MGAT4C: variants seen among roughly 807,000 people sequenced by gnomAD.
MGAT4C encodes MGAT4 family member C, also known as alpha-1,3-mannosyl-glycoprotein 4-beta-N-acetylglucosaminyltransferase C.
MGAT4C carries 19 observed loss-of-function variants against 40.1 expected under a neutral mutation model. The ratio of observed to expected loss-of-function variants is 0.47; its 90% CI spans 0.33 to 0.70. The LOEUF (loss-of-function observed/expected upper bound fraction) is 0.70. Among genes scored for constraint, MGAT4C ranks in the 30% least tolerant of loss-of-function variants. The pLI, the probability that MGAT4C is intolerant of heterozygous loss-of-function variation, is 0.02. For synonymous variants in MGAT4C, 181 were observed against 187.1 expected, an observed-to-expected ratio of 0.97 and a Z score of 0.27; for missense variants, 491 against 563.2, an observed-to-expected ratio of 0.87 and a Z score of 1.30.
intron 4 of MGAT4C, among the ~76,000 whole-genome samples, chr12:86,296,980 T>C (rs112787742): frequency 1.7e-3 from 258 of 152,344 alleles, no homozygotes; most frequent in African/African-American, 5.9e-3. Flanking sequence ...GGTTAAAATA[T>C]TTTCTTGTAA....
At chr12:86,807,723 C>A (rs536089560) in intron 1 of MGAT4C, among the ~76,000 whole-genome samples, 2 of 152,254 alleles carry the variant, frequency 1.3e-5, no homozygotes, top group East Asian at 3.9e-4. Flanking sequence ...AATGGTTGAA[C>A]TAATTTACAT....
Position 86,587,517 on chromosome 12 carries a change from T to C in MGAT4C, c.-229+139692A>G, listed in dbSNP as rs995701326. Among the ~76,000 whole-genome samples the C allele has an allele frequency of 2.6e-4, 40 of 152,074 alleles. 1 individual carries two copies. Among genetic ancestry groups the C allele is most frequent in the African/African-American group, 4.8e-4 (20 of 41,540 alleles). On this transcript the variant is annotated intron_variant, in intron 2 of 7. Coordinates refer to the MGAT4C transcript ENST00000548651. ...CATTGGTAGCTTGATGGGGATGGCATTGAATCTATAAATTACCTTGGGCAG... is the reference window on the plus strand; with the variant it reads ...CATTGGTAGCTTGATGGGGATGGCACTGAATCTATAAATTACCTTGGGCAG...
chr12:86,188,414 T>C (rs1889013686), intron 1 of MGAT4C, among the ~76,000 whole-genome samples: 1 of 151,826 alleles, frequency 6.6e-6, no homozygotes, highest in African/African-American at 2.4e-5. Context: ...ATACATGCAA[T>C]ATGAGAGAAA....
intron 3 of MGAT4C, among the ~76,000 whole-genome samples, chr12:86,375,471 TA>T (rs1233358782): frequency 2.6e-5 from 4 of 152,078 alleles, no homozygotes; most frequent in African/African-American, 7.2e-5. Context: ...ATCTAAGGTT[TA>T]TTTTTTTTTC....
At chr12:86,641,207 A>C (rs1255719636) in intron 2 of MGAT4C, among the ~76,000 whole-genome samples, 1 of 151,862 alleles carries the variant, frequency 6.6e-6, no homozygotes, top group African/African-American at 2.4e-5. Flanking sequence ...TGATGAGTTC[A>C]TGTCCTTTGT....
chr12:86,814,303 TATATATATAC>T lies in MGAT4C; in HGVS notation c.-262+24353_-262+24362del, dbSNP rs1952547543. 1.2e-4 allele frequency among the ~76,000 whole-genome samples: 8 copies of T among 68,988 alleles called. 1 individual carries two copies. Among genetic ancestry groups the T allele is most frequent in the South Asian group, 5.2e-4 (1 of 1,910 alleles). The allele number at this position is 68,988 out of a possible 152,430, so 45.3% of individuals were successfully genotyped here. A position where few individuals can be genotyped will look rare whatever the true frequency, so the allele number is the denominator to read the frequency against. ...ATATATACATATATATACATATACG[TATATATATAC>T]GTATATATACATATACGTATATATA... is the stretch of plus-strand genomic sequence containing the variant. On this transcript the variant is annotated intron_variant, in intron 1 of 7. Coordinates refer to the MGAT4C transcript ENST00000548651.
At chr12:86,570,994 T>C (rs1745230730) in intron 2 of MGAT4C, among the ~76,000 whole-genome samples, 1 of 152,050 alleles carries the variant, frequency 6.6e-6, no homozygotes, top group South Asian at 2.1e-4. Flanking sequence ...TTGTATTTTT[T>C]AGCAGAGATT....
At chr12:86,364,902 G>A (rs898804393) in intron 3 of MGAT4C, among the ~76,000 whole-genome samples, 1 of 152,154 alleles carries the variant, frequency 6.6e-6, no homozygotes, top group African/African-American at 2.4e-5. Flanking sequence ...CACAGGACTG[G>A]GGCGAAATTA....
intron 2 of MGAT4C, among the ~76,000 whole-genome samples, chr12:86,450,169 G>A (rs1377870089): frequency 1.3e-5 from 2 of 152,036 alleles, no homozygotes; most frequent in East Asian, 3.9e-4. Flanking sequence ...CACATTCACT[G>A]AGAGTAAATG....
At chr12:86,827,471 C>G (rs1283850530) in intron 1 of MGAT4C, among the ~76,000 whole-genome samples, 1 of 151,190 alleles carries the variant, frequency 6.6e-6, no homozygotes, top group Non-Finnish European at 1.5e-5. Flanking sequence ...ACTACCAGGT[C>G]AGAATCAAAA....
intron 2 of MGAT4C, among the ~76,000 whole-genome samples, chr12:86,488,140 T>A (rs1958057115): frequency 6.6e-6 from 1 of 151,916 alleles, no homozygotes; most frequent in African/African-American, 2.4e-5. Flanking sequence ...TCTCAACACC[T>A]TTGGGAGGCT....
chr12:86,731,567 G>A (rs552629989), intron 1 of MGAT4C, among the ~76,000 whole-genome samples: 1 of 151,940 alleles, frequency 6.6e-6, no homozygotes, highest in South Asian at 2.1e-4. Context: ...AACCTATGAA[G>A]TATATTTGTT....
At chr12:86,500,196 T>A (rs1360704809) in intron 2 of MGAT4C, among the ~76,000 whole-genome samples, 1 of 151,934 alleles carries the variant, frequency 6.6e-6, no homozygotes. Context: ...TATGTATACA[T>A]ATATGTGTAT....
chr12:86,189,143 G>A (rs921117750), intron 1 of MGAT4C, among the ~76,000 whole-genome samples: 3 of 151,666 alleles, frequency 2.0e-5, no homozygotes, highest in Non-Finnish European at 4.4e-5. Context: ...GATTTTTACT[G>A]TCTTTTCCTT....
At chr12:86,213,151 A>T (rs1593251690) in intron 1 of MGAT4C, among the ~76,000 whole-genome samples, 1 of 152,052 alleles carries the variant, frequency 6.6e-6, no homozygotes, top group African/African-American at 2.4e-5. Context: ...TGGCTGGAGG[A>T]TATGGTTCTA....
chr12:86,344,936 A>T (rs1025926825), intron 3 of MGAT4C, among the ~76,000 whole-genome samples: 6 of 152,172 alleles, frequency 3.9e-5, no homozygotes, highest in African/African-American at 1.4e-4. Context: ...GTACAGGTAA[A>T]TACATTGCTG....
intron 2 of MGAT4C, among the ~76,000 whole-genome samples, chr12:86,541,166 G>T (rs1959165899): frequency 6.6e-6 from 1 of 152,160 alleles, no homozygotes; most frequent in African/African-American, 2.4e-5. Flanking sequence ...TATCCTTCAT[G>T]TTGTTCTCTA....
At chr12:86,120,164 GA>G (rs1160693764) in intron 1 of MGAT4C, among the ~76,000 whole-genome samples, 1 of 151,012 alleles carries the variant, frequency 6.6e-6, no homozygotes, top group African/African-American at 2.4e-5. Flanking sequence ...TGTAACAAGA[GA>G]AAAAAATATA....
At chr12:86,685,046 C>A (rs770583881) in intron 2 of MGAT4C, among the ~76,000 whole-genome samples, 1 of 152,048 alleles carries the variant, frequency 6.6e-6, no homozygotes, top group South Asian at 2.1e-4. Flanking sequence ...TTAATAAGAT[C>A]CCATTTGTCA....
Sources: gnomAD v4.1 joint callset for allele counts (sites outside exome capture counted in the v4.1 genomes callset) on GRCh38, gnomAD v4.1.1 for gene constraint, MANE v1.5 for transcripts, NCBI Gene and HGNC (gene_info 2026-07-23, HGNC 2026-07-21) for gene names.